Variants in MARCHF11 observed in about 807,000 individuals in gnomAD.
MARCHF11 encodes E3 ubiquitin-protein ligase MARCHF11.
In MARCHF11, 29 loss-of-function variants were observed where a neutral mutation model predicts 37.3. The ratio of observed to expected loss-of-function variants is 0.78; its 90% confidence interval spans 0.58 to 1.06. The LOEUF (loss-of-function observed/expected upper bound fraction) is 1.06. Ranked by LOEUF, MARCHF11 falls within the 50% of genes least tolerant of loss-of-function variation. The probability of loss-of-function intolerance (pLI) is 0.00; values close to 1 mark genes in which losing one functional copy is unlikely to be tolerated. For synonymous variants in MARCHF11, 233 were observed against 228.0 expected (o/e 1.02, Z -0.20); for missense variants, 482 against 533.4 (o/e 0.90, Z 0.95).
At chr5:16,077,288 GGCAAGTGAAAATAAAT>G (rs1736537419) in intron 3 of MARCHF11, among the ~76,000 whole-genome samples, 1 of 151,944 alleles carries the variant, frequency 6.6e-6, no homozygotes, top group African/African-American at 2.4e-5. Context: ...TTTTCCTAGT[GGCAAGTGAAAATAAAT>G]ACAACTAATT....
At chr5:16,170,020 C>T (rs373361939) in intron 2 of MARCHF11, among the ~76,000 whole-genome samples, 2 of 152,106 alleles carry the variant, frequency 1.3e-5, no homozygotes, top group Admixed American at 1.3e-4. Flanking sequence ...TGTCTGGCTA[C>T]ATCTCCCTGG....
chr5:16,177,988 C>G, intron 1 of MARCHF11, 107 bp from the exon 2 acceptor site: 4 of 1,049,250 alleles, frequency 3.8e-6, no homozygotes, highest in South Asian at 2.3e-5. Flanking sequence ...GATACAGCAT[C>G]AGGCTCTATC....
chr5:16,095,885 G>A (rs796594434), intron 2 of MARCHF11, among the ~76,000 whole-genome samples: 36 of 152,252 alleles, frequency 2.4e-4, no homozygotes, highest in African/African-American at 8.4e-4. Context: ...CCACAGAGCT[G>A]AGCACACCCA....
chr5:16,175,743 T>C (rs1738344208), intron 2 of MARCHF11, among the ~76,000 whole-genome samples: 1 of 152,252 alleles, frequency 6.6e-6, no homozygotes, highest in Non-Finnish European at 1.5e-5. Context: ...CTCACACAGA[T>C]ACATGTGCAT....
intron 2 of MARCHF11, among the ~76,000 whole-genome samples, chr5:16,118,412 G>C (rs568132660): frequency 1.1e-3 from 174 of 152,300 alleles, no homozygotes; most frequent in African/African-American, 3.6e-3. Context: ...TAAGAGGCAG[G>C]GGGGGAATGA....
chr5:16,150,826 C>A (rs1003320627), intron 2 of MARCHF11, among the ~76,000 whole-genome samples: 3 of 151,884 alleles, frequency 2.0e-5, no homozygotes, highest in African/African-American at 7.3e-5. Context: ...TTCTTGAGTC[C>A]ATAACTTATA....
chr5:16,156,433 G>A (rs1189437793), intron 2 of MARCHF11, among the ~76,000 whole-genome samples: 1 of 151,806 alleles, frequency 6.6e-6, no homozygotes, highest in African/African-American at 2.4e-5. Flanking sequence ...GCCTTTAATA[G>A]TGCCAATATT....
chr5:16,133,433 C>T (rs982450079), intron 2 of MARCHF11, among the ~76,000 whole-genome samples: 1 of 152,148 alleles, frequency 6.6e-6, no homozygotes, highest in African/African-American at 2.4e-5. Flanking sequence ...GCAGAAGTAT[C>T]TCTTCACCCC....
At chr5:16,113,964 G>A (rs80302252) in intron 2 of MARCHF11, among the ~76,000 whole-genome samples, 3,771 of 152,066 alleles carry the variant, frequency 0.025, 175 homozygotes, top group African/African-American at 0.086. Flanking sequence ...CTTTCTAAGC[G>A]TCTGGTATCT....
intron 2 of MARCHF11, among the ~76,000 whole-genome samples, chr5:16,116,226 C>T (rs1023349726): frequency 2.6e-5 from 4 of 152,106 alleles, no homozygotes; most frequent in East Asian, 1.9e-4. Context: ...CAAGGCTTTC[C>T]GTCTGTCTGT....
intron 2 of MARCHF11, 81 bp downstream of exon 2, chr5:16,177,645 A>C: frequency 1.7e-6 from 2 of 1,183,460 alleles, no homozygotes; most frequent in Non-Finnish European, 2.3e-6. Flanking sequence ...GCATAAGTAA[A>C]TATCCTTAGT....
chr5:16,178,937 A>G (rs1738411691), intron 1 of MARCHF11, 102 bp downstream of exon 1: 3 of 1,305,142 alleles, frequency 2.3e-6, no homozygotes, highest in Non-Finnish European at 2.9e-6. Context: ...GCCTCACTGG[A>G]GGCAAACTGG....
intron 2 of MARCHF11, among the ~76,000 whole-genome samples, chr5:16,134,977 T>TTA (rs1737582317): frequency 7.0e-6 from 1 of 143,034 alleles, no homozygotes; most frequent in Non-Finnish European, 1.5e-5. Context: ...TATGAGTGAT[T>TTA]TCTCTCTCTC....
Position 16,067,514 on chromosome 5 carries a change from T to C in MARCHF11, c.1166A>G (p.Asp389Gly). ...CATCACAACCTCCCCCGAGCTGTTATCTTCTGATAAGTCTTCATGGGGCCT... is the reference window on the plus strand; with the variant it reads ...CATCACAACCTCCCCCGAGCTGTTACCTTCTGATAAGTCTTCATGGGGCCT... ...RMRPHEDLSE[D>G]NSSGEVVMRV... Residue 389 changes from aspartate to glycine, a missense_variant, in exon 4 of 4, where the codon GAT becomes GGT. Asp to Gly is a moderately conservative substitution (Grantham distance 94, BLOSUM62 -1). Coordinates refer to ENST00000332432, the MANE Select transcript of MARCHF11 (RefSeq NM_001102562.3). 1 of 1,613,974 alleles carries C rather than the reference T, an allele frequency of 6.2e-7. No individual in the cohort carries two copies. The highest frequency in any genetic ancestry group is 8.5e-7 in the Non-Finnish European group (1 of 1,179,846).
intron 2 of MARCHF11, among the ~76,000 whole-genome samples, chr5:16,123,134 A>G (rs1049343130): frequency 4.6e-5 from 7 of 152,138 alleles, no homozygotes; most frequent in African/African-American, 1.7e-4. Flanking sequence ...GCCCGCATAC[A>G]GTATGTTATG....
At chr5:16,121,783 T>C (rs900305518) in intron 2 of MARCHF11, among the ~76,000 whole-genome samples, 2 of 152,114 alleles carry the variant, frequency 1.3e-5, no homozygotes, top group Admixed American at 6.6e-5. Flanking sequence ...CTCAGTAAAA[T>C]AAGCTTACCT....
intron 2 of MARCHF11, among the ~76,000 whole-genome samples, chr5:16,097,733 C>T (rs1479816152): frequency 6.6e-5 from 10 of 152,170 alleles, no homozygotes; most frequent in Non-Finnish European, 1.5e-4. Context: ...CCTCCAGGAC[C>T]AGTTTCACCA....
intron 2 of MARCHF11, among the ~76,000 whole-genome samples, chr5:16,158,357 T>C (rs1354779603): frequency 6.6e-6 from 1 of 151,980 alleles, no homozygotes; most frequent in Non-Finnish European, 1.5e-5. Context: ...AACAGCCAAA[T>C]ATAGAATCAA....
intron 2 of MARCHF11, among the ~76,000 whole-genome samples, chr5:16,136,549 T>C (rs1156674858): frequency 6.6e-6 from 1 of 151,922 alleles, no homozygotes; most frequent in Non-Finnish European, 1.5e-5. Flanking sequence ...AAACAAAAAA[T>C]GAAAAGTAAT....
Sources: allele counts gnomAD v4.1 joint callset (sites outside exome capture counted in the v4.1 genomes callset), GRCh38; gene constraint gnomAD v4.1.1; transcripts MANE v1.5; gene names NCBI Gene and HGNC (gene_info 2026-07-23, HGNC 2026-07-21).